SAMD3: variants seen among roughly 807,000 people sequenced by gnomAD.
The protein encoded by SAMD3 is sterile alpha motif domain-containing protein 3.
In SAMD3, 63 loss-of-function variants were observed where a neutral mutation model predicts 58.5. That is an observed-to-expected ratio of 1.08 (90% CI 0.88 to 1.33). SAMD3 has a LOEUF of 1.33. Among genes scored for constraint, SAMD3 ranks in the 40% most tolerant of loss-of-function variants. The pLI is 0.00. For synonymous variants in SAMD3, 220 were observed against 210.3 expected (o/e 1.05, Z -0.40); for missense variants, 604 against 608.4 (o/e 0.99, Z 0.08).
At chr6:130,275,470 T>A (rs1441474668) in intron 2 of SAMD3, among the ~76,000 whole-genome samples, 1 of 152,140 alleles carries the variant, frequency 6.6e-6, no homozygotes, top group Non-Finnish European at 1.5e-5. Flanking sequence ...TAGGGCTGAA[T>A]TACACTGAAC....
chr6:130,296,568 C>G (rs1775577556), intron 2 of SAMD3, among the ~76,000 whole-genome samples: 1 of 152,204 alleles, frequency 6.6e-6, no homozygotes, highest in East Asian at 1.9e-4. Flanking sequence ...AGCACATGCA[C>G]TTGGAGAAAG....
intron 2 of SAMD3, among the ~76,000 whole-genome samples, chr6:130,269,137 G>A (rs1322288935): frequency 6.6e-6 from 1 of 152,146 alleles, no homozygotes; most frequent in East Asian, 1.9e-4. Context: ...GGTATAAGTT[G>A]TGAAGTTTAG....
chr6:130,219,130 GA>G (rs925543291), intron 1 of SAMD3, among the ~76,000 whole-genome samples: 2 of 152,078 alleles, frequency 1.3e-5, no homozygotes, highest in African/African-American at 4.8e-5. Flanking sequence ...TTCGTTTTAG[GA>G]AACATAGATA....
intron 1 of SAMD3, among the ~76,000 whole-genome samples, chr6:130,345,159 G>C (rs1362617077): frequency 6.6e-6 from 1 of 152,182 alleles, no homozygotes; most frequent in Non-Finnish European, 1.5e-5. Flanking sequence ...TTTCTGTTCT[G>C]GGGATCAGGG....
In SAMD3 at chr6:130,231,049, G is replaced by T. The variant is rs539808233; in HGVS notation, c.-187-8236C>A. Reference sequence around the variant, plus strand: ...AGATTTCAAAGACCTTAAAAATTGTGTGCATGGGTGCAACATATTTTGATT... The same window carrying T: ...AGATTTCAAAGACCTTAAAAATTGTTTGCATGGGTGCAACATATTTTGATT... On this transcript the variant is annotated intron_variant, in intron 2 of 13. Transcript: ENST00000368134. Among the ~76,000 whole-genome samples the T allele has an allele frequency of 1.3e-3, 194 of 152,162 alleles. 2 individuals carry two copies. Among genetic ancestry groups the T allele is most frequent in the African/African-American group, 4.5e-3 (188 of 41,510 alleles).
chr6:130,145,354 T>C lies in SAMD3; in HGVS notation c.1264A>G (p.Ile422Val). The change falls in exon 11 of 12, where the codon ATC (isoleucine) becomes GTC (valine). Residue 422 changes from isoleucine (I) to valine (V), a missense_variant. Coordinates refer to ENST00000439090, the MANE Select transcript of SAMD3 (RefSeq NM_001017373.4). ...VFGDDPSLFV[I>V]MNEQVQVSTP... ...ATACTACATACCTGTTCATTCATGA[T>C]GACAAAAAGGCTGGGATCATCCCCA... 2.5e-6 allele frequency: 4 copies of C among 1,608,062 alleles called. No individual in the cohort carries two copies. Among genetic ancestry groups the C allele is most frequent in the Middle Eastern group, 1.7e-4 (1 of 6,028 alleles).
intron 2 of SAMD3, among the ~76,000 whole-genome samples, chr6:130,277,535 G>T (rs920215929): frequency 6.6e-6 from 1 of 152,150 alleles, no homozygotes; most frequent in Non-Finnish European, 1.5e-5. Context: ...CATAAATGGT[G>T]TACAGTCTAC....
chr6:130,276,434 A>T (rs1437548893), intron 2 of SAMD3, among the ~76,000 whole-genome samples: 2 of 152,210 alleles, frequency 1.3e-5, no homozygotes, highest in Non-Finnish European at 2.9e-5. Flanking sequence ...CTTTTCTGCA[A>T]GAATAAACAA....
chr6:130,295,217 C>T (rs12207587), intron 2 of SAMD3, among the ~76,000 whole-genome samples: 42,755 of 152,082 alleles, frequency 0.28, 6,452 homozygotes, highest in East Asian at 0.45. Flanking sequence ...GCCACCACGT[C>T]CAGCCTCTCT....
chr6:130,306,648 C>A (rs1253506841), intron 2 of SAMD3, among the ~76,000 whole-genome samples: 3 of 152,088 alleles, frequency 2.0e-5, no homozygotes, highest in South Asian at 2.1e-4. Context: ...AGCCAGATGG[C>A]AAGGAGATTA....
chr6:130,352,620 G>A (rs148953092), intron 1 of SAMD3, among the ~76,000 whole-genome samples: 2 of 152,168 alleles, frequency 1.3e-5, no homozygotes, highest in Non-Finnish European at 2.9e-5. Flanking sequence ...GATTATTGAA[G>A]AATATGAAAA....
chr6:130,193,942 A>G (rs1271785465), intron 5 of SAMD3, among the ~76,000 whole-genome samples: 1 of 151,972 alleles, frequency 6.6e-6, no homozygotes, highest in Non-Finnish European at 1.5e-5. Context: ...CCCAACCCCA[A>G]GCGTCACTGG....
chr6:130,214,280 A>G, intron 4 of SAMD3, 57 bp downstream of exon 4: 1 of 1,407,446 alleles, frequency 7.1e-7, no homozygotes, highest in Non-Finnish European at 9.5e-7. Context: ...GTCACGCTCT[A>G]GCCATCATTG....
intron 1 of SAMD3, among the ~76,000 whole-genome samples, chr6:130,217,645 C>T (rs1047136631): frequency 2.6e-5 from 4 of 152,302 alleles, no homozygotes; most frequent in Admixed American, 1.3e-4. Context: ...CTGCTGTGAA[C>T]GTGATTTATA....
intron 5 of SAMD3, among the ~76,000 whole-genome samples, chr6:130,194,799 G>A (rs754160263): frequency 6.6e-6 from 1 of 152,298 alleles, no homozygotes; most frequent in East Asian, 1.9e-4. Context: ...AGATCTTCTC[G>A]GCTTAGCAGC....
chr6:130,238,006 T>A (rs1038521642), intron 2 of SAMD3, among the ~76,000 whole-genome samples: 1 of 152,098 alleles, frequency 6.6e-6, no homozygotes, highest in Non-Finnish European at 1.5e-5. Context: ...ACAATGAAAA[T>A]TAATTAGAAT....
At chr6:130,322,553 T>A (rs1285729171) in intron 1 of SAMD3, among the ~76,000 whole-genome samples, 1 of 152,132 alleles carries the variant, frequency 6.6e-6, no homozygotes, top group African/African-American at 2.4e-5. Context: ...GGAGAATCAC[T>A]TGAACTCGGG....
chr6:130,155,069 A>T, intron 8 of SAMD3, 44 bp from the exon 9 acceptor site: 1 of 1,536,590 alleles, frequency 6.5e-7, no homozygotes, highest in Non-Finnish European at 9.0e-7. Flanking sequence ...ATGTTTCTAT[A>T]AAAACTTGAA....
intron 1 of SAMD3, among the ~76,000 whole-genome samples, chr6:130,220,947 G>A (rs536279097): frequency 1.1e-4 from 16 of 152,072 alleles, no homozygotes; most frequent in Middle Eastern, 6.8e-3. Flanking sequence ...TCCGCCTCCC[G>A]GGTTCATGCC....
Sources: allele counts gnomAD v4.1 joint callset (sites outside exome capture counted in the v4.1 genomes callset), GRCh38; gene constraint gnomAD v4.1.1; transcripts MANE v1.5; gene names NCBI Gene and HGNC (gene_info 2026-07-23, HGNC 2026-07-21).